The following SPAG16 variants were observed in gnomAD, a reference collection of about 807,000 sequenced individuals.
SPAG16 encodes the protein sperm associated antigen 16.
In SPAG16, 86 loss-of-function variants were observed where a neutral mutation model predicts 80.4. The observed-to-expected ratio is 1.07, with a 90% CI of 0.90 to 1.28. The LOEUF is 1.28. Among genes scored for constraint, SPAG16 ranks in the 50% most tolerant of loss-of-function variants. SPAG16 has a pLI of 0.00. For synonymous variants in SPAG16, 294 were observed against 265.9 expected, an observed-to-expected ratio of 1.11 and a Z score of -1.03; for missense variants, 870 against 765.3, an observed-to-expected ratio of 1.14 and a Z score of -1.61.
At chr2:213,334,996 C>T (rs545539111) in intron 5 of SPAG16, among the ~76,000 whole-genome samples, 154 of 152,196 alleles carry the variant, frequency 1.0e-3, no homozygotes, top group African/African-American at 3.5e-3. Flanking sequence ...GATGGATGCT[C>T]TATTTTCCAT....
chr2:214,229,486 A>G (rs936035484), intron 15 of SPAG16, among the ~76,000 whole-genome samples: 4 of 151,764 alleles, frequency 2.6e-5, no homozygotes, highest in African/African-American at 7.3e-5. Flanking sequence ...ATGTATGTGT[A>G]TATATATTTA....
intron 10 of SPAG16, among the ~76,000 whole-genome samples, chr2:213,796,469 CTTCAT>C (rs2071035278): frequency 6.6e-6 from 1 of 152,078 alleles, no homozygotes; most frequent in African/African-American, 2.4e-5. Context: ...TTTATCAGTA[CTTCAT>C]TTCTTTTTAT....
chr2:214,114,081 C>T (rs1289540036), intron 14 of SPAG16, among the ~76,000 whole-genome samples: 2 of 152,148 alleles, frequency 1.3e-5, no homozygotes, highest in Non-Finnish European at 2.9e-5. Flanking sequence ...ACAGTCAGGT[C>T]CCTCAGCTGT....
At chr2:213,736,548 A>G (rs1458521354) in intron 10 of SPAG16, among the ~76,000 whole-genome samples, 1 of 152,122 alleles carries the variant, frequency 6.6e-6, no homozygotes, top group Non-Finnish European at 1.5e-5. Context: ...TCGGCCTCCC[A>G]AAGTGTTTGG....
chr2:213,770,389 T>C (rs1292042777), intron 10 of SPAG16, among the ~76,000 whole-genome samples: 7 of 152,146 alleles, frequency 4.6e-5, no homozygotes, highest in Non-Finnish European at 1.0e-4. Flanking sequence ...TTTTTTGCTC[T>C]CATCAGCATG....
At chr2:214,407,725 C>CT (rs1347044906) in intron 15 of SPAG16, among the ~76,000 whole-genome samples, 1 of 152,102 alleles carries the variant, frequency 6.6e-6, no homozygotes, top group Non-Finnish European at 1.5e-5. Flanking sequence ...GAGAGTACCT[C>CT]TTCTCTCTCA....
chr2:214,106,085 A>G (rs947983129), intron 13 of SPAG16, among the ~76,000 whole-genome samples: 4 of 152,190 alleles, frequency 2.6e-5, no homozygotes, highest in Non-Finnish European at 4.4e-5. Context: ...CAAATAGTTT[A>G]GCGATTCTCA....
At chr2:214,113,313 GA>G (rs1463155043) in intron 14 of SPAG16, among the ~76,000 whole-genome samples, 1 of 152,044 alleles carries the variant, frequency 6.6e-6, no homozygotes, top group African/African-American at 2.4e-5. Context: ...TGCTCTTCTC[GA>G]GGAGTGTCTT....
At chr2:213,431,544 A>G (rs1458547465) in intron 9 of SPAG16, among the ~76,000 whole-genome samples, 1 of 152,140 alleles carries the variant, frequency 6.6e-6, no homozygotes, top group African/African-American at 2.4e-5. Context: ...GATTAATTCA[A>G]TAAGAGTATA....
At chr2:213,355,359 T>A (rs1433817653) in intron 7 of SPAG16, among the ~76,000 whole-genome samples, 1 of 125,646 alleles carries the variant, frequency 8.0e-6, no homozygotes, top group Non-Finnish European at 1.7e-5. Flanking sequence ...TCTTTTTTGG[T>A]TCCATATGAA....
chr2:213,889,648 CAT>C (rs1289740845), intron 11 of SPAG16, among the ~76,000 whole-genome samples: 2 of 148,700 alleles, frequency 1.3e-5, no homozygotes, highest in Non-Finnish European at 1.5e-5. Context: ...TACACACACA[CAT>C]ATATACATAT....
chr2:214,324,303 T>C (rs776070310), intron 15 of SPAG16, among the ~76,000 whole-genome samples: 1 of 152,334 alleles, frequency 6.6e-6, no homozygotes, highest in South Asian at 2.1e-4. Flanking sequence ...TTTATACTTT[T>C]ATGTAGTTTT....
intron 15 of SPAG16, among the ~76,000 whole-genome samples, chr2:214,237,198 G>A (rs976338402): frequency 5.3e-5 from 8 of 152,006 alleles, no homozygotes; most frequent in African/African-American, 1.7e-4. Flanking sequence ...TTTAGGGTCT[G>A]TTCCTATAAT....
At chr2:213,582,194 T>A (rs950263770) in intron 10 of SPAG16, among the ~76,000 whole-genome samples, 2 of 152,128 alleles carry the variant, frequency 1.3e-5, no homozygotes, top group African/African-American at 4.8e-5. Context: ...TTTGATACTA[T>A]CCAAAACTTT....
chr2:213,354,564 T>G (rs977867228), intron 7 of SPAG16, among the ~76,000 whole-genome samples: 5 of 152,242 alleles, frequency 3.3e-5, no homozygotes, highest in Admixed American at 2.6e-4. Flanking sequence ...TCCTGACTTT[T>G]TAATGATCGC....
chr2:213,464,512 A>G (rs1387052969), intron 9 of SPAG16, among the ~76,000 whole-genome samples: 3 of 152,190 alleles, frequency 2.0e-5, no homozygotes, highest in African/African-American at 4.8e-5. Context: ...TAGTACTTCT[A>G]TCACCTCAGA....
chr2:213,603,584 A>G (rs928143655), intron 10 of SPAG16, among the ~76,000 whole-genome samples: 1 of 152,242 alleles, frequency 6.6e-6, no homozygotes, highest in Non-Finnish European at 1.5e-5. Context: ...CTTAGATCTT[A>G]TATCCACATA....
chr2:213,776,945 A>T (rs1015186696), intron 10 of SPAG16, among the ~76,000 whole-genome samples: 9 of 151,558 alleles, frequency 5.9e-5, no homozygotes, highest in African/African-American at 2.2e-4. Context: ...TGGGTCTATA[A>T]TAGTGGAAAA....
chr2:214,195,801 C>A (rs2057819684), intron 15 of SPAG16, among the ~76,000 whole-genome samples: 1 of 151,926 alleles, frequency 6.6e-6, no homozygotes, highest in Non-Finnish European at 1.5e-5. Flanking sequence ...AAAAAACTAG[C>A]TATGGAAGTC....
Sources: gnomAD v4.1 joint callset for allele counts (sites outside exome capture counted in the v4.1 genomes callset) on GRCh38, gnomAD v4.1.1 for gene constraint, MANE v1.5 for transcripts, NCBI Gene and HGNC (gene_info 2026-07-23, HGNC 2026-07-21) for gene names.